Variants in APBA1 observed in about 807,000 individuals in gnomAD.
APBA1 encodes amyloid beta precursor protein binding family A member 1, also known as amyloid-beta A4 precursor protein-binding family A member 1.
Under a neutral mutation model 86.6 loss-of-function variants are expected in APBA1, and 55 were observed. The ratio of observed to expected loss-of-function variants is 0.64; its 90% confidence interval spans 0.51 to 0.80. The LOEUF is 0.80. APBA1 is among the 30% of genes least tolerant of loss of function. The pLI, the probability that APBA1 is intolerant of heterozygous loss-of-function variation, is 0.00. For synonymous variants in APBA1, 511 were observed against 493.9 expected, an observed-to-expected ratio of 1.03 and a Z score of -0.46; for missense variants, 1,090 against 1,183.0, an observed-to-expected ratio of 0.92 and a Z score of 1.15.
rs1444852036 is a variant in APBA1, at chr9:69,429,171, G to A, written c.*2156C>T. ...TGGGCCCCTACGATGATTTTCCAAG[G>A]CTCCTGATGCCTGAAATACCACCAG... On this transcript the variant is annotated 3_prime_UTR_variant, in exon 13 of 13. Coordinates refer to ENST00000265381, the MANE Select transcript of APBA1 (RefSeq NM_001163.4). 6.6e-6 allele frequency: 1 copy of A among 152,112 alleles called. No homozygotes were observed. Among genetic ancestry groups the A allele is most frequent in the Non-Finnish European group, 1.5e-5 (1 of 68,050 alleles). 9.4% of individuals were successfully genotyped at this position (152,112 alleles called of 1,614,324 possible). A position where few individuals can be genotyped will look rare whatever the true frequency, so the allele number is the denominator to read the frequency against.
In APBA1 at chr9:69,516,062, CT is replaced by C; in HGVS notation, c.1148del (p.Gln383ArgfsTer73). The C allele has an allele frequency of 6.2e-7, 1 of 1,612,172 alleles. No homozygotes were observed. Among genetic ancestry groups the C allele is most frequent in the Non-Finnish European group, 8.5e-7 (1 of 1,178,900 alleles). On this transcript the variant is annotated frameshift_variant, in exon 2 of 13. Coordinates refer to ENST00000265381, the MANE Select transcript of APBA1 (RefSeq NM_001163.4). LOFTEE classifies it high-confidence loss of function. The surrounding 1 kb of genome is among the most constrained non-coding windows in gnomAD (Gnocchi z 7.3). Reference protein sequence around the residue: ...EPKEPIWVMRQDISPTRDCDD... With the variant: ...EPKEPIWVMRXDISPTRDCDD... ...CACAGTCCCTGGTGGGGCTAATGTC[CT>C]GGCGCATGACCCAGATGGGCTCTTT...
At chr9:69,613,716 C>T (rs751252286) in intron 1 of APBA1, among the ~76,000 whole-genome samples, 33 of 152,158 alleles carry the variant, frequency 2.2e-4, no homozygotes, top group Non-Finnish European at 1.0e-4. Context: ...CTACATGGGT[C>T]TGAATTGCTC....
intron 2 of APBA1, among the ~76,000 whole-genome samples, chr9:69,513,433 T>G (rs892386009): frequency 6.6e-6 from 1 of 152,230 alleles, no homozygotes; most frequent in Non-Finnish European, 1.5e-5. Context: ...CTGCAGCTTT[T>G]TCCTCTGGTG....
At chr9:69,551,373 G>A (rs1038690440) in intron 1 of APBA1, among the ~76,000 whole-genome samples, 1 of 152,068 alleles carries the variant, frequency 6.6e-6, no homozygotes, top group Non-Finnish European at 1.5e-5. Flanking sequence ...CCAACATGGT[G>A]AAACCCTGTC....
At chr9:69,523,752 C>T (rs1836300870) in intron 1 of APBA1, among the ~76,000 whole-genome samples, 4 of 151,770 alleles carry the variant, frequency 2.6e-5, no homozygotes, top group African/African-American at 9.7e-5. Flanking sequence ...GAATACTTCA[C>T]CCATTAACCA....
intron 1 of APBA1, among the ~76,000 whole-genome samples, chr9:69,643,972 C>T (rs1328431294): frequency 6.6e-6 from 1 of 152,212 alleles, no homozygotes; most frequent in African/African-American, 2.4e-5. Context: ...GCCTAGAAGG[C>T]TCTTCCCACA....
intron 11 of APBA1, among the ~76,000 whole-genome samples, chr9:69,435,993 A>C (rs982013286): frequency 6.6e-6 from 1 of 152,104 alleles, no homozygotes; most frequent in Non-Finnish European, 1.5e-5. Flanking sequence ...AGCTTTCTAC[A>C]TATGGCTAGC....
chr9:69,566,048 T>G (rs1035634778), intron 1 of APBA1, among the ~76,000 whole-genome samples: 3 of 152,196 alleles, frequency 2.0e-5, no homozygotes, highest in African/African-American at 7.2e-5. Context: ...CTCCCTGCCC[T>G]GCTCCTGCAC....
intron 1 of APBA1, among the ~76,000 whole-genome samples, chr9:69,630,171 T>C (rs1823012870): frequency 6.6e-6 from 1 of 151,694 alleles, no homozygotes; most frequent in African/African-American, 2.4e-5. Flanking sequence ...GCAAGTGACA[T>C]CAGAGCAGAC....
chr9:69,586,318 A>G (rs1854702), intron 1 of APBA1, among the ~76,000 whole-genome samples: 101,894 of 152,076 alleles, frequency 0.67, 34,372 homozygotes, highest in East Asian at 0.82. Flanking sequence ...GTGATTGTTT[A>G]TACATCTCTT....
chr9:69,442,382 C>T (rs1254231032), intron 10 of APBA1, among the ~76,000 whole-genome samples: 1 of 152,140 alleles, frequency 6.6e-6, no homozygotes, highest in Non-Finnish European at 1.5e-5. Context: ...AAGCACCTGC[C>T]CAACTGGACT....
chr9:69,624,656 A>T (rs1323410216), intron 1 of APBA1, among the ~76,000 whole-genome samples: 1 of 152,170 alleles, frequency 6.6e-6, no homozygotes, highest in Non-Finnish European at 1.5e-5. Context: ...AGGGCAATCC[A>T]TTGAAGTCAA....
In APBA1 at chr9:69,449,598, G is replaced by A; in HGVS notation, c.2167C>T (p.Gln723Ter). Reference protein sequence around the residue: ...SLVGLPLSTCQSIIKGLKNQS... With the variant: ...SLVGLPLSTC ...TATTCAGGTACCTTAATAATGCTCT[G>A]GCAGGTGGACAGAGGCAGGCCCACC... The change falls in exon 10 of 13, where the codon CAG becomes TAG. Residue 723 changes from glutamine (Q) to a stop codon, truncating the protein, a stop_gained. Transcript: ENST00000265381. LOFTEE classifies it high-confidence loss of function. The A allele has an allele frequency of 6.2e-7, 1 of 1,613,670 alleles. No individual in the cohort carries two copies. The highest frequency in any genetic ancestry group is 8.5e-7 in the Non-Finnish European group (1 of 1,179,874).
intron 1 of APBA1, among the ~76,000 whole-genome samples, chr9:69,534,622 T>C (rs946332572): frequency 2.0e-5 from 3 of 152,234 alleles, no homozygotes; most frequent in African/African-American, 7.2e-5. Flanking sequence ...AGTTGGTTTA[T>C]GTTATTCTAA....
chr9:69,655,364 A>G (rs1823588284), intron 1 of APBA1, among the ~76,000 whole-genome samples: 1 of 152,206 alleles, frequency 6.6e-6, no homozygotes, highest in African/African-American at 2.4e-5. Context: ...AAAAACTATT[A>G]GAATGAGTAA....
rs74445275 is a variant in APBA1 at position 69,531,003 on chromosome 9, A to T, written c.-69-13724T>A. Among the ~76,000 whole-genome samples, 548 of 152,300 alleles carry T rather than the reference A, an allele frequency of 3.6e-3. 4 individuals are homozygous for T. Among genetic ancestry groups the T allele is most frequent in the Admixed American group, 0.023 (357 of 15,302 alleles). ...AAAATTTTCTAGTATGCACATTAAAATTTTTTTAAAAAGAAAATTTTAATA... is the reference window on the plus strand; with the variant it reads ...AAAATTTTCTAGTATGCACATTAAATTTTTTTTAAAAAGAAAATTTTAATA... On this transcript the variant is annotated intron_variant, in intron 1 of 12. Transcript: ENST00000265381.
intron 1 of APBA1, among the ~76,000 whole-genome samples, chr9:69,662,298 A>G (rs929299930): frequency 2.6e-5 from 4 of 152,212 alleles, no homozygotes; most frequent in African/African-American, 9.7e-5. Context: ...GGTTATGAAG[A>G]GTAAATTAGG....
chr9:69,449,224 C>G (rs1187456536), intron 10 of APBA1, among the ~76,000 whole-genome samples: 1 of 152,180 alleles, frequency 6.6e-6, no homozygotes, highest in East Asian at 1.9e-4. Flanking sequence ...GTGTATCTGG[C>G]TGACTATAAG....
At chr9:69,557,312 GATAA>G (rs1180624316) in intron 1 of APBA1, among the ~76,000 whole-genome samples, 2 of 152,164 alleles carry the variant, frequency 1.3e-5, no homozygotes, top group Non-Finnish European at 2.9e-5. Flanking sequence ...GGTTCTAGTA[GATAA>G]ATAAAGCCTT....
Sources: gnomAD v4.1 joint callset for allele counts (sites outside exome capture counted in the v4.1 genomes callset) on GRCh38, gnomAD v4.1.1 for gene constraint, Gnocchi (gnomAD v3.1) non-coding constraint, MANE v1.5 for transcripts, NCBI Gene and HGNC (gene_info 2026-07-23, HGNC 2026-07-21) for gene names.